The following VAV3 variants were observed in gnomAD, a reference collection of about 807,000 sequenced individuals.
VAV3 encodes vav guanine nucleotide exchange factor 3.
A neutral mutation model predicts 131.2 loss-of-function variants in VAV3; 94 were observed. The observed-to-expected ratio is 0.72, with a 90% CI of 0.61 to 0.85. The LOEUF is 0.85. Among genes scored for constraint, VAV3 ranks in the 40% least tolerant of loss-of-function variants. VAV3 has a pLI of 0.00. For missense variants in VAV3, 939 were observed against 1,002.7 expected, an observed-to-expected ratio of 0.94 and a Z score of 0.86; for synonymous variants, 349 against 342.0, an observed-to-expected ratio of 1.02 and a Z score of -0.22.
chr1:107,736,798 C>A (rs1392293025), intron 15 of VAV3, among the ~76,000 whole-genome samples: 1 of 152,112 alleles, frequency 6.6e-6, no homozygotes, highest in Non-Finnish European at 1.5e-5. Context: ...TTTATAGATT[C>A]AATGCCATCC....
intron 2 of VAV3, among the ~76,000 whole-genome samples, chr1:107,799,015 C>T (rs982488743): frequency 1.3e-5 from 2 of 151,816 alleles, no homozygotes; most frequent in South Asian, 2.1e-4. Flanking sequence ...AAGTCCAAAA[C>T]TTAAAAGTGA....
intron 19 of VAV3, among the ~76,000 whole-genome samples, chr1:107,662,125 G>A (rs367585610): frequency 6.6e-6 from 1 of 152,116 alleles, no homozygotes; most frequent in East Asian, 1.9e-4. Flanking sequence ...AAGAGGCTGT[G>A]TTATTTTTAA....
Position 107,753,221 on chromosome 1 carries a change from T to C in VAV3, c.1174-2019A>G, listed in dbSNP as rs114545787. Among the ~76,000 whole-genome samples the C allele has an allele frequency of 8.5e-3, 1,292 of 152,004 alleles. 17 individuals are homozygous for C. The highest frequency in any genetic ancestry group is 0.029 in the African/African-American group (1,216 of 41,458). ...AAAGCCAGTCATGAAATGGCAAATA[T>C]TGTATGATTTCACTTATATAAGGTG... is the stretch of plus-strand genomic sequence containing the variant. On this transcript the variant is annotated intron_variant, in intron 12 of 26. Coordinates refer to ENST00000370056, the MANE Select transcript of VAV3 (RefSeq NM_006113.5).
At chr1:107,864,533 G>A (rs1196926020) in intron 2 of VAV3, among the ~76,000 whole-genome samples, 2 of 152,180 alleles carry the variant, frequency 1.3e-5, no homozygotes, top group Admixed American at 6.5e-5. Context: ...TGAGGTGGAA[G>A]GATTGCTTCA....
At chr1:107,668,014 T>A (rs1657531616) in intron 19 of VAV3, among the ~76,000 whole-genome samples, 1 of 152,124 alleles carries the variant, frequency 6.6e-6, no homozygotes, top group African/African-American at 2.4e-5. Context: ...TCCTCTCTCA[T>A]CCAGGACCCA....
At chr1:107,909,176 G>T (rs560697607) in intron 1 of VAV3, among the ~76,000 whole-genome samples, 1 of 152,008 alleles carries the variant, frequency 6.6e-6, no homozygotes, top group African/African-American at 2.4e-5. Flanking sequence ...TTTTCATTCA[G>T]TGGTTATACT....
chr1:107,757,928 G>A (rs759803062), intron 10 of VAV3, among the ~76,000 whole-genome samples: 1 of 152,012 alleles, frequency 6.6e-6, no homozygotes, highest in Non-Finnish European at 1.5e-5. Flanking sequence ...ATCACCTCAT[G>A]GGCCAATTAC....
intron 18 of VAV3, 138 bp downstream of exon 18, chr1:107,688,243 T>C: frequency 9.1e-7 from 1 of 1,094,814 alleles, no homozygotes; most frequent in Non-Finnish European, 1.3e-6. Context: ...CACAATCACT[T>C]GGTTGTTCCC....
chr1:107,616,755 A>G (rs1653182728), intron 21 of VAV3, among the ~76,000 whole-genome samples: 1 of 152,184 alleles, frequency 6.6e-6, no homozygotes, highest in Non-Finnish European at 1.5e-5. Flanking sequence ...CTAACAGTAA[A>G]AAGAATGTCC....
intron 17 of VAV3, among the ~76,000 whole-genome samples, chr1:107,689,187 A>C (rs1325033529): frequency 6.6e-6 from 1 of 152,164 alleles, no homozygotes; most frequent in Non-Finnish European, 1.5e-5. Flanking sequence ...CATACCCAGG[A>C]GCACTTATAC....
At chr1:107,603,198 T>C (rs780514378) in intron 22 of VAV3, 35 bp from the exon 23 acceptor site, 33 of 1,535,090 alleles carry the variant, frequency 2.1e-5, no homozygotes, top group Admixed American at 1.3e-4. Context: ...ATTTGGATAA[T>C]ATACCTGGAA....
chr1:107,651,891 T>C (rs1160430004), intron 19 of VAV3, among the ~76,000 whole-genome samples: 3 of 152,136 alleles, frequency 2.0e-5, no homozygotes, highest in Non-Finnish European at 2.9e-5. Flanking sequence ...TGGCACCTGA[T>C]AACTCTCCAG....
At chr1:107,861,295 A>G (rs1669726517) in intron 2 of VAV3, among the ~76,000 whole-genome samples, 1 of 151,684 alleles carries the variant, frequency 6.6e-6, no homozygotes, top group Non-Finnish European at 1.5e-5. Context: ...TTTTTTGTAA[A>G]AGCCAACGCT....
At chr1:107,816,232 C>T (rs1667554716) in intron 2 of VAV3, among the ~76,000 whole-genome samples, 1 of 152,158 alleles carries the variant, frequency 6.6e-6, no homozygotes, top group African/African-American at 2.4e-5. Context: ...TGAATCTATA[C>T]TTGAATAATG....
intron 1 of VAV3, among the ~76,000 whole-genome samples, chr1:107,914,226 T>C (rs529978338): frequency 8.4e-4 from 128 of 152,310 alleles, no homozygotes; most frequent in African/African-American, 2.9e-3. Context: ...CAAACTCAAC[T>C]GTGCCAGCAG....
At chr1:107,738,653 A>G (rs775501825) in intron 15 of VAV3, among the ~76,000 whole-genome samples, 3 of 152,228 alleles carry the variant, frequency 2.0e-5, no homozygotes, top group Non-Finnish European at 4.4e-5. Context: ...TATAGCCCAA[A>G]GTAGTAATTC....
chr1:107,900,689 T>C (rs963937155), intron 1 of VAV3, among the ~76,000 whole-genome samples: 22 of 152,146 alleles, frequency 1.4e-4, no homozygotes, highest in African/African-American at 5.3e-4. Context: ...TTGTAAATGG[T>C]CCTATAAATG....
At chr1:107,700,485 T>A (rs572315038) in intron 17 of VAV3, among the ~76,000 whole-genome samples, 17 of 152,262 alleles carry the variant, frequency 1.1e-4, no homozygotes, top group African/African-American at 3.4e-4. Context: ...CCAGTGTGTG[T>A]TGTTCCCCTC....
chr1:107,747,225 C>A (rs534175401), intron 15 of VAV3, among the ~76,000 whole-genome samples: 1 of 152,170 alleles, frequency 6.6e-6, no homozygotes, highest in Non-Finnish European at 1.5e-5. Context: ...TTTATGGCAA[C>A]TGAACAAAAT....
Sources: allele counts gnomAD v4.1 joint callset (sites outside exome capture counted in the v4.1 genomes callset), GRCh38; gene constraint gnomAD v4.1.1; transcripts MANE v1.5; gene names NCBI Gene and HGNC (gene_info 2026-07-23, HGNC 2026-07-21).